BICRAL: variants seen among roughly 807,000 people sequenced by gnomAD.
BICRAL encodes the protein BICRA like chromatin remodeling complex associated protein.
Under a neutral mutation model 91.8 loss-of-function variants are expected in BICRAL, and 8 were observed. That is an observed-to-expected ratio of 0.09 (90% CI 0.05 to 0.16). BICRAL has a LOEUF of 0.16. Ranked by LOEUF, BICRAL falls within the 10% of genes least tolerant of loss-of-function variation. The pLI, the probability that BICRAL is intolerant of heterozygous loss-of-function variation, is 1.00. For missense variants in BICRAL, 1,038 were observed against 1,310.9 expected, an observed-to-expected ratio of 0.79 and a Z score of 3.21; for synonymous variants, 445 against 491.1, an observed-to-expected ratio of 0.91 and a Z score of 1.24.
chr6:42,830,770 C>T (rs1323339709), intron 6 of BICRAL, among the ~76,000 whole-genome samples: 1 of 152,056 alleles, frequency 6.6e-6, no homozygotes, highest in Non-Finnish European at 1.5e-5. Context: ...CACATACCAG[C>T]ACACCTAACT....
At chr6:42,806,188 T>G (rs1026772018) in intron 1 of BICRAL, among the ~76,000 whole-genome samples, 8 of 152,104 alleles carry the variant, frequency 5.3e-5, no homozygotes, top group Non-Finnish European at 8.8e-5. Flanking sequence ...GAGCCTCAGT[T>G]TGTGTTTCTG....
intron 1 of BICRAL, among the ~76,000 whole-genome samples, chr6:42,771,657 G>GT (rs144840783): frequency 0.077 from 11,769 of 152,168 alleles, 573 homozygotes; most frequent in South Asian, 0.14. Context: ...CGTGTATGTG[G>GT]TTTTTGTTTT....
At chr6:42,747,804 T>TG (rs1219289467) in intron 1 of BICRAL, among the ~76,000 whole-genome samples, 1 of 143,596 alleles carries the variant, frequency 7.0e-6, no homozygotes, top group Non-Finnish European at 1.5e-5. Flanking sequence ...TGTTTTATTT[T>TG]GTTTTTTTTT....
rs1762499510 is a variant in BICRAL, at chr6:42,758,779, A to ACCCTT, written c.-261+11757_-261+11758insCCTTC. On this transcript the variant is annotated intron_variant, in intron 1 of 14. Transcript: ENST00000614467. ...CCAGGTGAAGGGTGAAAGCAGAGTC[A>ACCCTT]CATATTCATTCTTTCTTTCTGCAGG... 3.3e-5 allele frequency among the ~76,000 whole-genome samples: 5 copies of ACCCTT among 151,946 alleles called. 1 individual carries two copies. In the South Asian group the frequency reaches 1.0e-3, roughly 32 times the overall value.
chr6:42,847,054 A>G (rs1562492043), intron 6 of BICRAL, among the ~76,000 whole-genome samples: 1 of 152,240 alleles, frequency 6.6e-6, no homozygotes, highest in Admixed American at 6.5e-5. Context: ...ACTTCAGACC[A>G]GACTGGCCAA....
chr6:42,851,625 A>G (rs1048589635), intron 6 of BICRAL, among the ~76,000 whole-genome samples: 2 of 152,180 alleles, frequency 1.3e-5, no homozygotes, highest in Non-Finnish European at 2.9e-5. Context: ...TATACTTTAT[A>G]TCATCTACAC....
intron 1 of BICRAL, among the ~76,000 whole-genome samples, chr6:42,747,527 T>C (rs1056907782): frequency 6.6e-6 from 1 of 152,184 alleles, no homozygotes. Flanking sequence ...CTCTCTTCCT[T>C]TCCTTCCCAC....
chr6:42,770,079 T>C (rs1762695489), intron 1 of BICRAL, among the ~76,000 whole-genome samples: 1 of 152,124 alleles, frequency 6.6e-6, no homozygotes, highest in Admixed American at 6.5e-5. Flanking sequence ...GTCCCCCTCA[T>C]TTATATTTAA....
intron 6 of BICRAL, among the ~76,000 whole-genome samples, chr6:42,845,014 A>G (rs1333733042): frequency 6.6e-6 from 1 of 151,796 alleles, no homozygotes; most frequent in East Asian, 1.9e-4. Flanking sequence ...GAGCTGACTA[A>G]AGGGAAAAAA....
intron 1 of BICRAL, among the ~76,000 whole-genome samples, chr6:42,806,712 G>T (rs938684873): frequency 6.6e-6 from 1 of 151,220 alleles, no homozygotes; most frequent in Non-Finnish European, 1.5e-5. Flanking sequence ...ACAGGGTTTT[G>T]CCATGTTGCC....
intron 1 of BICRAL, among the ~76,000 whole-genome samples, chr6:42,755,081 G>C (rs1192636281): frequency 6.6e-6 from 1 of 152,220 alleles, no homozygotes; most frequent in Admixed American, 6.5e-5. Context: ...GTCTCATGCT[G>C]AGTATGAGGA....
chr6:42,861,870 G>A (rs371187469), intron 11 of BICRAL, among the ~76,000 whole-genome samples: 5 of 152,020 alleles, frequency 3.3e-5, no homozygotes, highest in South Asian at 4.1e-4. Flanking sequence ...GTGGTGGTGC[G>A]TGCCTGTAAT....
At chr6:42,752,763 G>A (rs1170699891) in intron 1 of BICRAL, among the ~76,000 whole-genome samples, 1 of 151,660 alleles carries the variant, frequency 6.6e-6, no homozygotes, top group African/African-American at 2.4e-5. Flanking sequence ...ACCACCATGT[G>A]TGGCTAATTT....
intron 1 of BICRAL, among the ~76,000 whole-genome samples, chr6:42,798,380 G>GA (rs898257524): frequency 6.7e-4 from 76 of 113,750 alleles, no homozygotes; most frequent in African/African-American, 6.6e-4. Flanking sequence ...ACTAGAAAAA[G>GA]AAAAAAAATT....
At chr6:42,856,150 C>T (rs995560537) in intron 9 of BICRAL, among the ~76,000 whole-genome samples, 1 of 151,554 alleles carries the variant, frequency 6.6e-6, no homozygotes, top group Admixed American at 6.6e-5. Flanking sequence ...CAACATGGCT[C>T]TGCAAAAAAT....
At chr6:42,811,419 G>A (rs1763840110) in intron 2 of BICRAL, among the ~76,000 whole-genome samples, 2 of 152,058 alleles carry the variant, frequency 1.3e-5, no homozygotes, top group Non-Finnish European at 1.5e-5. Context: ...TCGAGAGATC[G>A]AGACCATCCT....
chr6:42,804,076 G>A (rs1763644883), intron 1 of BICRAL, among the ~76,000 whole-genome samples: 1 of 152,194 alleles, frequency 6.6e-6, no homozygotes, highest in Non-Finnish European at 1.5e-5. Flanking sequence ...AGGCTGGAGT[G>A]CAATGGCATG....
rs370584665 is a variant in BICRAL, at chr6:42,775,178, G to A, written c.-260-6661G>A. On this transcript the variant is annotated intron_variant, in intron 1 of 14. Coordinates refer to the BICRAL transcript ENST00000614467. ...GAACAATCCTGACCTCAGGTGATCC[G>A]CCCGCTTCAGCTTCCCAAAGTGCTG... 2.3e-4 allele frequency among the ~76,000 whole-genome samples: 35 copies of A among 152,210 alleles called. 1 individual carries two copies. In the East Asian group the frequency reaches 5.4e-3, roughly 24 times the overall value.
intron 1 of BICRAL, among the ~76,000 whole-genome samples, chr6:42,752,371 A>G (rs1249914105): frequency 1.3e-5 from 2 of 152,252 alleles, no homozygotes; most frequent in Non-Finnish European, 2.9e-5. Flanking sequence ...AAGACTGCCA[A>G]GGTGGATAAA....
Sources: allele counts gnomAD v4.1 joint callset (sites outside exome capture counted in the v4.1 genomes callset), GRCh38; gene constraint gnomAD v4.1.1; transcripts MANE v1.5; gene names NCBI Gene and HGNC (gene_info 2026-07-23, HGNC 2026-07-21).